CEP131: variants seen among roughly 807,000 people sequenced by gnomAD.
The protein encoded by CEP131 is centrosomal protein of 131 kDa.
Under a neutral mutation model 136.8 loss-of-function variants are expected in CEP131, and 99 were observed. The ratio of observed to expected loss-of-function variants is 0.72; its 90% CI spans 0.62 to 0.86. The LOEUF is 0.86. Among genes scored for constraint, CEP131 ranks in the 40% least tolerant of loss-of-function variants. The pLI, the probability that CEP131 is intolerant of heterozygous loss-of-function variation, is 0.00. For missense variants in CEP131, 1,459 were observed against 1,463.0 expected (o/e 1.00, Z 0.04); for synonymous variants, 646 against 612.7 (o/e 1.05, Z -0.80).
intron 2 of CEP131, among the ~76,000 whole-genome samples, chr17:81,217,539 G>T (rs1019268336): frequency 6.6e-5 from 10 of 152,150 alleles, no homozygotes; most frequent in African/African-American, 2.4e-4. Flanking sequence ...AGAGGATGGG[G>T]ACCGGGCACA....
At chr17:81,212,314 T>A (rs1450152646) in intron 2 of CEP131, among the ~76,000 whole-genome samples, 1 of 107,652 alleles carries the variant, frequency 9.3e-6, no homozygotes, top group African/African-American at 3.1e-5. Context: ...AGAGCAAGAT[T>A]CCCTCTCAAA....
chr17:81,220,024 C>T lies in CEP131; in HGVS notation c.33G>A (p.Pro11=), dbSNP rs536087372. Reference sequence around the variant, plus strand: ...GGTCCACACCTGCTGGGCTGCGCTCCGGGACGCTGCCGATGGCCCGGGTGC... The same window carrying T: ...GGTCCACACCTGCTGGGCTGCGCTCTGGGACGCTGCCGATGGCCCGGGTGC... MKGTRAIGSV[P]ERSPAGVDLS... Residue 11 remains proline, a synonymous_variant, in exon 2 of 26, where the codon CCG becomes CCA. Coordinates refer to ENST00000450824, the MANE Select transcript of CEP131 (RefSeq NM_014984.4). 65 of 1,600,174 alleles carry T rather than the reference C, an allele frequency of 4.1e-5. No individual in the cohort carries two copies. The highest frequency in any genetic ancestry group is 3.2e-4 in the African/African-American group (24 of 74,342).
intron 16 of CEP131, 130 bp downstream of exon 16, chr17:81,195,705 C>G: frequency 1.3e-6 from 1 of 781,338 alleles, no homozygotes; most frequent in Non-Finnish European, 2.1e-6. Flanking sequence ...GCCCCACCCA[C>G]CGCTGTGGCC....
In CEP131 at chr17:81,215,295, CTA is replaced by C. The variant is rs2062222021; in HGVS notation, c.177+4583_177+4584del. Among the ~76,000 whole-genome samples, 1 of 152,118 alleles carries C rather than the reference CTA, an allele frequency of 6.6e-6. No individual in the cohort carries two copies. The highest frequency in any genetic ancestry group is 2.4e-5 in the African/African-American group (1 of 41,406). ...TTTTTTTGTAGAGACAGGGGTCTCACTATGTTGCCCAGGCTGGTCTCAAACTC... is the reference window on the plus strand; with the variant it reads ...TTTTTTTGTAGAGACAGGGGTCTCACTGTTGCCCAGGCTGGTCTCAAACTC... On this transcript the variant is annotated intron_variant, in intron 2 of 25. Transcript: ENST00000450824. This position sits in a 1 kb window ranked among gnomAD's most constrained non-coding sequence, Gnocchi z 4.1.
At position 81,220,058 on chromosome 17, in the gene CEP131, G is replaced by C; in HGVS notation, c.-2C>G. 2 of 1,578,144 alleles carry C rather than the reference G, an allele frequency of 1.3e-6. No homozygotes were observed. Among genetic ancestry groups the C allele is most frequent in the Non-Finnish European group, 1.7e-6 (2 of 1,163,862 alleles). ...GCCGATGGCCCGGGTGCCTTTCATG[G>C]TGGACAAGGCAGGTCCTGAGCGGGG... is the stretch of plus-strand genomic sequence containing the variant. On this transcript the variant is annotated 5_prime_UTR_variant, in exon 2 of 26. Coordinates refer to ENST00000450824, the MANE Select transcript of CEP131 (RefSeq NM_014984.4).
intron 24 of CEP131, among the ~76,000 whole-genome samples, chr17:81,190,199 G>T (rs1366439173): frequency 6.6e-6 from 1 of 152,186 alleles, no homozygotes; most frequent in Non-Finnish European, 1.5e-5. Flanking sequence ...ACCTGGGGAG[G>T]CCTGGTACCC....
At chr17:81,213,912 C>G (rs1330717806) in intron 2 of CEP131, among the ~76,000 whole-genome samples, 1 of 152,178 alleles carries the variant, frequency 6.6e-6, no homozygotes, top group Non-Finnish European at 1.5e-5. Flanking sequence ...AGAAAAATAT[C>G]AGGCAAGGGC....
In CEP131 at chr17:81,189,694, C is replaced by A; in HGVS notation, c.*75G>T. ...CTCTGTGGGGGGCAGGTGGGCGTCC[C>A]TGTGGGCCTCTGGGCCCACGTCCAG... On this transcript the variant is annotated 3_prime_UTR_variant, in exon 26 of 26. Transcript: ENST00000450824. The A allele has an allele frequency of 6.9e-7, 1 of 1,459,826 alleles. No homozygotes were observed. Among genetic ancestry groups the A allele is most frequent in the Non-Finnish European group, 9.2e-7 (1 of 1,090,524 alleles). The allele number at this position is 1,459,826 out of a possible 1,614,324, so 90.4% of individuals were successfully genotyped here.
At chr17:81,210,079 A>G (rs890752217) in intron 2 of CEP131, among the ~76,000 whole-genome samples, 1 of 94,428 alleles carries the variant, frequency 1.1e-5, no homozygotes, top group African/African-American at 4.1e-5. Flanking sequence ...GGAGAAGCGG[A>G]CGCTAAGCGA....
At position 81,200,464 on chromosome 17, in the gene CEP131, C is replaced by T; in HGVS notation, c.789-18G>A. ...GGATAAACCTGCCCGGAGAGCAGGA[C>T]TCAGGGCCAAGACAGGACCAGCGCC... is the stretch of plus-strand genomic sequence containing the variant. On this transcript the variant is annotated intron_variant, in intron 7 of 25. Coordinates refer to ENST00000450824, the MANE Select transcript of CEP131 (RefSeq NM_014984.4). The T allele has an allele frequency of 6.5e-7, 1 of 1,531,060 alleles. No homozygotes were observed. Among genetic ancestry groups the T allele is most frequent in the Non-Finnish European group, 8.8e-7 (1 of 1,131,210 alleles). 94.8% of individuals were successfully genotyped at this position (1,531,060 alleles called of 1,614,324 possible). A position where few individuals can be genotyped will look rare whatever the true frequency, so the allele number is the denominator to read the frequency against.
At position 81,191,231 on chromosome 17, in the gene CEP131, C is replaced by T. The variant is rs773134078; in HGVS notation, c.2727G>A (p.Ala909=). 10 of 1,613,108 alleles carry T rather than the reference C, an allele frequency of 6.2e-6. No homozygotes were observed. The highest frequency in any genetic ancestry group is 4.5e-5 in the East Asian group (2 of 44,872). ...CCTTCTCACTCTCCTCCTTGGCCAG[C>T]GCCATGTCGGCCTCCAGCCGGTGAA... ...LVIHRLEADM[A]LAKEESEKAA... is the part of the protein sequence containing the mutation. Residue 909 remains alanine, a synonymous_variant, in exon 22 of 26, where the codon GCG becomes GCA. Transcript: ENST00000450824.
chr17:81,211,038 C>A (rs924223055), intron 2 of CEP131, among the ~76,000 whole-genome samples: 6 of 152,190 alleles, frequency 3.9e-5, no homozygotes, highest in African/African-American at 1.4e-4. Flanking sequence ...GGGTGGAAAT[C>A]CCACGAGCGC....
At chr17:81,218,865 AG>A (rs772258050) in intron 2 of CEP131, among the ~76,000 whole-genome samples, 1 of 152,222 alleles carries the variant, frequency 6.6e-6, no homozygotes, top group Non-Finnish European at 1.5e-5. Context: ...TCCTGTGGGA[AG>A]CCTCAACTGC....
chr17:81,219,249 C>A lies in CEP131; in HGVS notation c.177+631G>T, dbSNP rs1054573594. On this transcript the variant is annotated intron_variant, in intron 2 of 25. Coordinates refer to ENST00000450824, the MANE Select transcript of CEP131 (RefSeq NM_014984.4). This position sits in a 1 kb window ranked among gnomAD's most constrained non-coding sequence, Gnocchi z 4.0. ...CACACCCGTCTAGGTTTCTCCAAGGCCACCAGGAGCTCATCACCCCTCCCC... is the reference window on the plus strand; with the variant it reads ...CACACCCGTCTAGGTTTCTCCAAGGACACCAGGAGCTCATCACCCCTCCCC... Among the ~76,000 whole-genome samples the A allele has an allele frequency of 4.0e-5, 6 of 151,272 alleles. No individual in the cohort carries two copies. The highest frequency in any genetic ancestry group is 1.5e-4 in the African/African-American group (6 of 41,206).
At chr17:81,220,713 C>T (rs890736946) in intron 1 of CEP131, among the ~76,000 whole-genome samples, 1 of 152,014 alleles carries the variant, frequency 6.6e-6, no homozygotes, top group South Asian at 2.1e-4. Flanking sequence ...GTTGGCCAGG[C>T]TGGTCTCGAA....
At chr17:81,206,234 C>A (rs773925918) in intron 5 of CEP131, among the ~76,000 whole-genome samples, 26 of 152,110 alleles carry the variant, frequency 1.7e-4, no homozygotes, top group Non-Finnish European at 2.8e-4. Flanking sequence ...GGCAAGAATT[C>A]TTCCTGTGCC....
At chr17:81,199,138 G>A (rs1284030066) in intron 10 of CEP131, among the ~76,000 whole-genome samples, 167 bp from the exon 11 acceptor site, 1 of 152,192 alleles carries the variant, frequency 6.6e-6, no homozygotes, top group Non-Finnish European at 1.5e-5. Context: ...TGTGGAGGAT[G>A]AGTGCCACCC....
intron 21 of CEP131, among the ~76,000 whole-genome samples, chr17:81,191,927 C>T (rs567976367): frequency 9.2e-5 from 14 of 152,214 alleles, no homozygotes; most frequent in African/African-American, 2.6e-4. Context: ...GGACTGTCAC[C>T]GTGGCAGAGT....
chr17:81,206,952 G>A (rs1365274180), intron 4 of CEP131, 81 bp from the exon 5 acceptor site: 14 of 1,557,464 alleles, frequency 9.0e-6, no homozygotes, highest in Non-Finnish European at 1.2e-5. Flanking sequence ...ACAAACGGGA[G>A]GAGCCACCAA....
Sources: allele counts gnomAD v4.1 joint callset (sites outside exome capture counted in the v4.1 genomes callset), GRCh38; gene constraint gnomAD v4.1.1; non-coding constraint Gnocchi (gnomAD v3.1); transcripts MANE v1.5; gene names NCBI Gene and HGNC (gene_info 2026-07-23, HGNC 2026-07-21).